Variants in CCDC148 observed in about 807,000 individuals in gnomAD.
The protein encoded by CCDC148 is coiled-coil domain containing 148.
CCDC148 carries 89 observed loss-of-function variants against 85.7 expected under a neutral mutation model. The ratio of observed to expected loss-of-function variants is 1.04; its 90% CI spans 0.87 to 1.24. The LOEUF (loss-of-function observed/expected upper bound fraction) is 1.24, where lower values mean the gene tolerates loss of function less well. Ranked by LOEUF, CCDC148 falls within the 50% of genes most tolerant of loss-of-function variation. The pLI is 0.00. For synonymous variants in CCDC148, 230 were observed against 213.9 expected (o/e 1.08, Z -0.66); for missense variants, 692 against 671.7 (o/e 1.03, Z -0.33).
intron 9 of CCDC148, among the ~76,000 whole-genome samples, chr2:158,296,967 C>T (rs1691218120): frequency 6.6e-6 from 1 of 152,164 alleles, no homozygotes; most frequent in African/African-American, 2.4e-5. Context: ...CTTTCTTCTG[C>T]TAATATTGTA....
intron 11 of CCDC148, among the ~76,000 whole-genome samples, chr2:158,204,038 G>T (rs775518078): frequency 6.6e-6 from 1 of 152,048 alleles, no homozygotes; most frequent in Non-Finnish European, 1.5e-5. Context: ...AACAAATCAG[G>T]CCCTACCATT....
At chr2:158,260,247 C>A (rs1388258408) in intron 9 of CCDC148, among the ~76,000 whole-genome samples, 1 of 151,818 alleles carries the variant, frequency 6.6e-6, no homozygotes, top group East Asian at 1.9e-4. Context: ...ATAAACAGAA[C>A]TAAAGACAAA....
rs774645951 is a variant in CCDC148 at position 158,339,083 on chromosome 2, A to G, written c.489T>C (p.Val163=). Residue 163 remains valine, a splice_region_variant and synonymous_variant, in exon 6 of 14, where the codon GTT becomes GTC. Coordinates refer to ENST00000283233, the MANE Select transcript of CCDC148 (RefSeq NM_138803.4). Reference sequence around the variant, plus strand: ...TTTTCAATTGTTTCTTCACAAAGTCAACCTATAGGACATTTGGAACAAGTA... The same window carrying G: ...TTTTCAATTGTTTCTTCACAAAGTCGACCTATAGGACATTTGGAACAAGTA... ...EFNSMKVLEE[V]DFVKKQLKTV... 9.9e-6 allele frequency: 16 copies of G among 1,610,512 alleles called. No homozygotes were observed. The highest frequency in any genetic ancestry group is 1.3e-5 in the Non-Finnish European group (15 of 1,177,016).
chr2:158,438,687 C>A (rs1343338492), intron 1 of CCDC148, among the ~76,000 whole-genome samples: 1 of 152,110 alleles, frequency 6.6e-6, no homozygotes, highest in Non-Finnish European at 1.5e-5. Flanking sequence ...AGTGAACAGG[C>A]AACCTACAGA....
rs11904376 is a variant in CCDC148 at position 158,284,178 on chromosome 2, T to A, written c.1110+25255A>T. On this transcript the variant is annotated intron_variant, in intron 9 of 13. Transcript: ENST00000283233. ...ATTGGGAGATATACCTAATGCTAGA[T>A]GACGAGTTAGTGGGTGAAGCGCACC... Among the ~76,000 whole-genome samples, 580 of 150,534 alleles carry A rather than the reference T, an allele frequency of 3.9e-3. 3 individuals are homozygous for A. The highest frequency in any genetic ancestry group is 0.013 in the African/African-American group (513 of 41,032).
intron 9 of CCDC148, among the ~76,000 whole-genome samples, chr2:158,275,627 A>G (rs1388827092): frequency 6.6e-6 from 1 of 152,116 alleles, no homozygotes; most frequent in Non-Finnish European, 1.5e-5. Flanking sequence ...TTTTATCATC[A>G]AAGTATATTC....
intron 1 of CCDC148, among the ~76,000 whole-genome samples, chr2:158,396,404 CA>C (rs1410666471): frequency 6.6e-6 from 1 of 152,058 alleles, no homozygotes; most frequent in Non-Finnish European, 1.5e-5. Context: ...GGAAGAATGT[CA>C]GTTGCCATTT....
At chr2:158,269,822 T>C (rs976959195) in intron 9 of CCDC148, among the ~76,000 whole-genome samples, 26 of 152,184 alleles carry the variant, frequency 1.7e-4, no homozygotes, top group Admixed American at 4.6e-4. Flanking sequence ...TGAAATAAAT[T>C]ACCTGCACAT....
intron 1 of CCDC148, among the ~76,000 whole-genome samples, chr2:158,431,517 T>C (rs1687351432): frequency 6.6e-6 from 1 of 151,068 alleles, no homozygotes; most frequent in Admixed American, 6.6e-5. Flanking sequence ...CAATTTATAA[T>C]CCTACACACG....
intron 10 of CCDC148, among the ~76,000 whole-genome samples, chr2:158,224,577 G>A (rs1358552794): frequency 6.6e-6 from 1 of 152,160 alleles, no homozygotes; most frequent in East Asian, 1.9e-4. Flanking sequence ...ACCCACAAAG[G>A]GAAGCCCATA....
intron 9 of CCDC148, among the ~76,000 whole-genome samples, chr2:158,254,194 A>G (rs757672160): frequency 2.0e-5 from 3 of 151,704 alleles, no homozygotes; most frequent in Non-Finnish European, 4.4e-5. Context: ...AAATTATGAG[A>G]TAATTAGAGC....
chr2:158,245,994 TGGGCAACTGCAA>T (rs1688554901), intron 10 of CCDC148, among the ~76,000 whole-genome samples: 1 of 152,318 alleles, frequency 6.6e-6, no homozygotes, highest in Non-Finnish European at 1.5e-5. Context: ...TTTAAGGAGC[TGGGCAACTGCAA>T]GGGTAAAATT....
intron 9 of CCDC148, among the ~76,000 whole-genome samples, chr2:158,280,454 A>C (rs572618594): frequency 6.6e-6 from 1 of 152,124 alleles, no homozygotes; most frequent in Non-Finnish European, 1.5e-5. Context: ...AATGGAAAAC[A>C]AAAAAAGGCA....
At chr2:158,279,905 C>A (rs1690180988) in intron 9 of CCDC148, among the ~76,000 whole-genome samples, 1 of 151,356 alleles carries the variant, frequency 6.6e-6, no homozygotes, top group Non-Finnish European at 1.5e-5. Context: ...AAAGGGAAAC[C>A]CATCAGACTA....
chr2:158,221,229 A>G (rs1490995982), intron 10 of CCDC148, among the ~76,000 whole-genome samples: 1 of 152,236 alleles, frequency 6.6e-6, no homozygotes, highest in African/African-American at 2.4e-5. Flanking sequence ...GGAAAAGAAC[A>G]AATTAGCAGG....
chr2:158,212,500 G>A (rs1017852231), intron 11 of CCDC148, among the ~76,000 whole-genome samples: 1 of 152,054 alleles, frequency 6.6e-6, no homozygotes, highest in African/African-American at 2.4e-5. Flanking sequence ...TCAATTCTCT[G>A]ATGTTGGCAA....
chr2:158,435,083 T>C (rs1687574882), intron 1 of CCDC148, among the ~76,000 whole-genome samples: 1 of 152,084 alleles, frequency 6.6e-6, no homozygotes, highest in Non-Finnish European at 1.5e-5. Context: ...ACTTCCCCAA[T>C]CTAGCAAGGC....
chr2:158,331,578 C>T (rs1183230096), intron 7 of CCDC148, among the ~76,000 whole-genome samples: 1 of 149,716 alleles, frequency 6.7e-6, no homozygotes, highest in African/African-American at 2.5e-5. Flanking sequence ...CTTTCTGTCT[C>T]CTTGATCTGT....
At chr2:158,426,879 T>A (rs2105328834) in intron 1 of CCDC148, among the ~76,000 whole-genome samples, 1 of 152,286 alleles carries the variant, frequency 6.6e-6, no homozygotes, top group East Asian at 1.9e-4. Context: ...ATGTTGGCTA[T>A]TGCAAAGGAT....
Sources: gnomAD v4.1 joint callset for allele counts (sites outside exome capture counted in the v4.1 genomes callset) on GRCh38, gnomAD v4.1.1 for gene constraint, MANE v1.5 for transcripts, NCBI Gene and HGNC (gene_info 2026-07-23, HGNC 2026-07-21) for gene names.